LMOD2: variants seen among roughly 807,000 people sequenced by gnomAD.
The protein encoded by LMOD2 is leiomodin-2.
A neutral mutation model predicts 41.7 loss-of-function variants in LMOD2; 27 were observed. The ratio of observed to expected loss-of-function variants is 0.65; its 90% CI spans 0.48 to 0.89. LMOD2 has a LOEUF of 0.89. Ranked by LOEUF, LMOD2 falls within the 40% of genes least tolerant of loss-of-function variation. The pLI is 0.00. For missense variants in LMOD2, 624 were observed against 667.9 expected (o/e 0.93, Z 0.72); for synonymous variants, 251 against 244.6 (o/e 1.03, Z -0.25).
intron 1 of LMOD2, among the ~76,000 whole-genome samples, chr7:123,661,499 A>T (rs1802873709): frequency 6.6e-6 from 1 of 152,244 alleles, no homozygotes; most frequent in Non-Finnish European, 1.5e-5. Flanking sequence ...AAGTAAATGG[A>T]GAGTAAACCA....
At chr7:123,663,291 A>G (rs1802921352) in intron 2 of LMOD2, 88 bp downstream of exon 2, 1 of 1,380,794 alleles carries the variant, frequency 7.2e-7, no homozygotes. Flanking sequence ...CACCTCTCAC[A>G]ATACTTATCA....
intron 2 of LMOD2, 23 bp downstream of exon 2, chr7:123,663,226 T>C (rs1160393709): frequency 1.2e-5 from 18 of 1,549,890 alleles, no homozygotes; most frequent in East Asian, 2.4e-5. Context: ...AGAACAGACA[T>C]AGGGGCACAG....
At chr7:123,657,991 T>TAAA (rs10693592) in intron 1 of LMOD2, among the ~76,000 whole-genome samples, 1,123 of 90,354 alleles carry the variant, frequency 0.012, 15 homozygotes, top group African/African-American at 0.019. Context: ...CTTGTCTCAT[T>TAAA]AAAAAAAAAA....
intron 1 of LMOD2, among the ~76,000 whole-genome samples, chr7:123,659,974 C>G (rs1269084310): frequency 3.3e-5 from 5 of 152,106 alleles, no homozygotes; most frequent in African/African-American, 1.2e-4. Context: ...TCATACAAGG[C>G]CGTATACCTT....
chr7:123,659,231 C>T (rs1480910165), intron 1 of LMOD2, among the ~76,000 whole-genome samples: 1 of 152,210 alleles, frequency 6.6e-6, no homozygotes, highest in Non-Finnish European at 1.5e-5. Flanking sequence ...GCCATCTCAT[C>T]TCCCACCTCC....
chr7:123,662,353 C>G lies in LMOD2; in HGVS notation c.767C>G (p.Ala256Gly). 2 of 1,613,876 alleles carry G rather than the reference C, an allele frequency of 1.2e-6. No homozygotes were observed. The highest frequency in any genetic ancestry group is 2.2e-5 in the South Asian group (2 of 91,048). ...SLANTHADDS[A>G]AMAIAEMLKV... is the part of the protein sequence containing the mutation. Reference sequence around the variant, plus strand: ...GCCAACACGCATGCCGACGACAGTGCAGCCATGGCCATTGCAGAGATGCTC... The same window carrying G: ...GCCAACACGCATGCCGACGACAGTGGAGCCATGGCCATTGCAGAGATGCTC... Residue 256 changes from alanine (A) to glycine (G), a missense_variant, in exon 2 of 3, where the codon GCA becomes GGA. By Grantham distance (60) the Ala-to-Gly change is moderately conservative (BLOSUM62 0). Transcript: ENST00000458573. This position sits in a 1 kb window ranked among gnomAD's most constrained non-coding sequence, Gnocchi z 4.0.
chr7:123,658,192 AGC>A (rs1802820571), intron 1 of LMOD2, among the ~76,000 whole-genome samples: 1 of 152,100 alleles, frequency 6.6e-6, no homozygotes, highest in Non-Finnish European at 1.5e-5. Flanking sequence ...ATGGCTTATC[AGC>A]TCAATTAGAG....
rs750968551 is a variant in LMOD2 at position 123,656,214 on chromosome 7, A to G, written c.251A>G (p.Glu84Gly). The change falls in exon 1 of 3, where the codon GAG (glutamate) becomes GGG (glycine). Residue 84 changes from glutamate (E) to glycine (G), a missense_variant. Coordinates refer to ENST00000458573, the MANE Select transcript of LMOD2 (RefSeq NM_207163.3). ...GAGTCCCAAAAACTCTTGGAGAAGGAGAGGCTGGGGGAATGTGGAAAGGTA... is the reference window on the plus strand; with the variant it reads ...GAGTCCCAAAAACTCTTGGAGAAGGGGAGGCTGGGGGAATGTGGAAAGGTA... ...EKESQKLLEK[E>G]RLGECGKVAE... 19 of 1,608,728 alleles carry G rather than the reference A, an allele frequency of 1.2e-5. No homozygotes were observed. The highest frequency in any genetic ancestry group is 1.6e-5 in the Non-Finnish European group (19 of 1,177,918).
rs574794480 is a variant in LMOD2 at position 123,659,254 on chromosome 7, C to A, written c.274-2606C>A. Among the ~76,000 whole-genome samples, 4 of 152,322 alleles carry A rather than the reference C, an allele frequency of 2.6e-5. No homozygotes were observed. The South Asian group carries it at 8.3e-4, about 32-fold the overall frequency. The stretch of plus-strand genomic sequence containing the variant: ...ATCTCCCACCTCCTTATTCTATACC[C>A]TCCTTCCCACCTCCATTCTCCAAAG... On this transcript the variant is annotated intron_variant, in intron 1 of 2. Transcript: ENST00000458573.
chr7:123,657,811 C>CAAAAAAA lies in LMOD2; in HGVS notation c.273+1593_273+1599dup, dbSNP rs1009900124. ...GCAATATAGTGAGATCTCATCTCTA[C>CAAAAAAA]AAAAAAAAAAAAAAAAAAAAAAAAT... On this transcript the variant is annotated intron_variant, in intron 1 of 2. Transcript: ENST00000458573. 6.4e-3 allele frequency among the ~76,000 whole-genome samples: 232 copies of CAAAAAAA among 36,000 alleles called. 8 individuals are homozygous for CAAAAAAA. Among genetic ancestry groups the CAAAAAAA allele is most frequent in the African/African-American group, 0.029 (228 of 7,878 alleles). The allele number at this position is 36,000 out of a possible 152,430, so 23.6% of individuals were successfully genotyped here.
rs773062024 is a variant in LMOD2 at position 123,662,617 on chromosome 7, T to C, written c.1031T>C (p.Met344Thr). ...GAACTCCCAGGACCAAGAATGAGCA[T>C]GACGAGCATTTTGACAAGAAATATG... is the stretch of plus-strand genomic sequence containing the variant. ...HFELPGPRMS[M>T]TSILTRNMDK... is the part of the protein sequence containing the mutation. The change falls in exon 2 of 3, where the codon ATG (methionine) becomes ACG (threonine). Residue 344 changes from methionine (M) to threonine (T), a missense_variant. Coordinates refer to ENST00000458573, the MANE Select transcript of LMOD2 (RefSeq NM_207163.3). The surrounding 1 kb of genome is among the most constrained non-coding windows in gnomAD (Gnocchi z 4.0). 1.1e-5 allele frequency: 17 copies of C among 1,613,870 alleles called. No individual in the cohort carries two copies. The Middle Eastern group carries it at 6.6e-4, about 62-fold the overall frequency.
intron 1 of LMOD2, among the ~76,000 whole-genome samples, chr7:123,660,268 C>A (rs1182966438): frequency 6.6e-6 from 1 of 151,794 alleles, no homozygotes; most frequent in Middle Eastern, 3.2e-3. Context: ...CCAGCTGCCA[C>A]CAAACATTTC....
chr7:123,656,939 G>A (rs377228421), intron 1 of LMOD2, among the ~76,000 whole-genome samples: 7 of 152,138 alleles, frequency 4.6e-5, no homozygotes, highest in African/African-American at 7.2e-5. Flanking sequence ...ATAGCCCTGG[G>A]CTTGTGCAAA....
chr7:123,656,878 G>A (rs950595423), intron 1 of LMOD2, among the ~76,000 whole-genome samples: 7 of 149,698 alleles, frequency 4.7e-5, no homozygotes, highest in South Asian at 4.2e-4. Context: ...TTTCTTTTGC[G>A]AATCAAGAAC....
In LMOD2 at chr7:123,661,949, G is replaced by C. The variant is rs1373011802; in HGVS notation, c.363G>C (p.Glu121Asp). ...CTGAGGAAGTGTATACAGAGGAGGA[G>C]GAGGAGGAGTCCCAGGAGGAAGAGG... ...EVSEEVYTEEEEEESQEEEEE... is the reference protein window; with the variant it reads ...EVSEEVYTEEDEEESQEEEEE... The change falls in exon 2 of 3, where the codon GAG becomes GAC. Residue 121 changes from glutamate to aspartate, a missense_variant. Physicochemically the swap from Glu to Asp is conservative, Grantham distance 45. Transcript: ENST00000458573. 5.1e-6 allele frequency: 8 copies of C among 1,556,132 alleles called. No homozygotes were observed.
intron 1 of LMOD2, among the ~76,000 whole-genome samples, chr7:123,660,160 T>C (rs1002768050): frequency 6.6e-6 from 1 of 152,176 alleles, no homozygotes; most frequent in African/African-American, 2.4e-5. Flanking sequence ...TTTGTTTCAC[T>C]GCTGGACAGG....
At position 123,656,221 on chromosome 7, in the gene LMOD2, G is replaced by C. The variant is rs369607641; in HGVS notation, c.258G>C (p.Leu86=). The change falls in exon 1 of 3, where the codon CTG becomes CTC. Residue 86 remains leucine (L), a synonymous_variant. Coordinates refer to ENST00000458573, the MANE Select transcript of LMOD2 (RefSeq NM_207163.3). ...AAAAACTCTTGGAGAAGGAGAGGCT[G>C]GGGGAATGTGGAAAGGTAGGCTCTC... ...ESQKLLEKER[L]GECGKVAEDK... is the part of the protein sequence containing the mutation. 201 of 1,606,966 alleles carry C rather than the reference G, an allele frequency of 1.3e-4. No homozygotes were observed. In the African/African-American group the frequency reaches 2.5e-3, roughly 20 times the overall value.
intron 2 of LMOD2, 31 bp downstream of exon 2, chr7:123,663,234 C>T: frequency 6.5e-7 from 1 of 1,541,226 alleles, no homozygotes; most frequent in Middle Eastern, 1.7e-4. Context: ...CATAGGGGCA[C>T]AGATAAAGTA....
rs770760570 is a variant in LMOD2 at position 123,662,814 on chromosome 7, G to A, written c.1228G>A (p.Val410Met). The A allele has an allele frequency of 4.3e-6, 7 of 1,613,088 alleles. No homozygotes were observed. Among genetic ancestry groups the A allele is most frequent in the Admixed American group, 1.7e-5 (1 of 59,906 alleles). Residue 410 changes from valine to methionine, a missense_variant, in exon 2 of 3, where the codon GTG (valine) becomes ATG (methionine). Coordinates refer to ENST00000458573, the MANE Select transcript of LMOD2 (RefSeq NM_207163.3). This position sits in a 1 kb window ranked among gnomAD's most constrained non-coding sequence, Gnocchi z 4.0. ...SPKLPKKVQT[V>M]RSRPLSPVAT... is the part of the protein sequence containing the mutation. ...AAAACTCCCCAAAAAAGTCCAGACT[G>A]TGAGGAGCCGTCCTCTGTCTCCTGT...
Sources: gnomAD v4.1 joint callset for allele counts (sites outside exome capture counted in the v4.1 genomes callset) on GRCh38, gnomAD v4.1.1 for gene constraint, Gnocchi (gnomAD v3.1) non-coding constraint, MANE v1.5 for transcripts, NCBI Gene and HGNC (gene_info 2026-07-23, HGNC 2026-07-21) for gene names.